GRM7: variants seen among roughly 807,000 people sequenced by gnomAD.
The protein encoded by GRM7 is metabotropic glutamate receptor 7.
GRM7 carries 35 observed loss-of-function variants against 84.5 expected under a neutral mutation model. The observed-to-expected ratio is 0.41, with a 90% confidence interval of 0.32 to 0.55. The LOEUF (loss-of-function observed/expected upper bound fraction) is 0.55. Ranked by LOEUF, GRM7 falls within the 20% of genes least tolerant of loss-of-function variation. The pLI, the probability that GRM7 is intolerant of heterozygous loss-of-function variation, is 0.19. For synonymous variants in GRM7, 487 were observed against 455.1 expected (o/e 1.07, Z -0.89); for missense variants, 1,003 against 1,194.6 (o/e 0.84, Z 2.36).
rs77468225 is a variant in GRM7 at position 7,310,933 on chromosome 3, T to C, written c.1033+4281T>C. ...TCTGAGCCCCATTATAAGTCTCATC[T>C]ACCCTTCCATACTTTCCTTTCCTCA... On this transcript the variant is annotated intron_variant, in intron 4 of 9. Transcript: ENST00000357716. Among the ~76,000 whole-genome samples the C allele has an allele frequency of 8.5e-3, 1,294 of 152,298 alleles. 29 individuals carry two copies. Among genetic ancestry groups the C allele is most frequent in the African/African-American group, 0.027 (1,128 of 41,554 alleles).
chr3:7,010,019 C>G (rs1695314387), intron 1 of GRM7, among the ~76,000 whole-genome samples: 1 of 152,162 alleles, frequency 6.6e-6, no homozygotes. Context: ...TTCAGCTATA[C>G]CTTCAAAATC....
At chr3:6,976,830 A>C (rs1575089612) in intron 1 of GRM7, among the ~76,000 whole-genome samples, 1 of 152,204 alleles carries the variant, frequency 6.6e-6, no homozygotes, top group East Asian at 1.9e-4. Flanking sequence ...ACACTATTTA[A>C]AAAGATATTC....
chr3:7,099,416 ATG>A (rs1559439100), intron 1 of GRM7, among the ~76,000 whole-genome samples: 9 of 148,820 alleles, frequency 6.0e-5, no homozygotes, highest in East Asian at 2.0e-4. Context: ...AATACATATT[ATG>A]CATGTATATA....
rs553619024 is a variant in GRM7, at chr3:7,436,403, C to A, written c.1175-16204C>A. 7.9e-5 allele frequency among the ~76,000 whole-genome samples: 12 copies of A among 151,936 alleles called. No homozygotes were observed. In the East Asian group the frequency reaches 2.3e-3, roughly 29 times the overall value. ...CTTTGTCTTACCTTCTTTTCTTTTTCTTCTATTTTTTAACCATATTGTTTA... is the reference window on the plus strand; with the variant it reads ...CTTTGTCTTACCTTCTTTTCTTTTTATTCTATTTTTTAACCATATTGTTTA... On this transcript the variant is annotated intron_variant, in intron 5 of 9. Transcript: ENST00000357716.
intron 4 of GRM7, among the ~76,000 whole-genome samples, chr3:7,398,609 G>A (rs951158087): frequency 1.3e-5 from 2 of 151,910 alleles, no homozygotes; most frequent in African/African-American, 2.4e-5. Context: ...GAGGACTGTG[G>A]GTGGGTTTTT....
intron 2 of GRM7, among the ~76,000 whole-genome samples, chr3:7,157,978 C>A (rs1323970499): frequency 2.0e-5 from 3 of 152,092 alleles, no homozygotes; most frequent in African/African-American, 7.2e-5. Flanking sequence ...GTAGTGCTTG[C>A]CATGCAGTCT....
intron 9 of GRM7, among the ~76,000 whole-genome samples, chr3:7,687,536 T>C (rs187345349): frequency 6.6e-6 from 1 of 152,302 alleles, no homozygotes; most frequent in Admixed American, 6.5e-5. Context: ...ATGTTCTCTT[T>C]TGATTTTCTC....
At chr3:7,313,182 GC>G (rs1024263389) in intron 4 of GRM7, among the ~76,000 whole-genome samples, 1 of 152,010 alleles carries the variant, frequency 6.6e-6, no homozygotes, top group Non-Finnish European at 1.5e-5. Flanking sequence ...GCCCTCCTCA[GC>G]CCCCCAAAGT....
intron 1 of GRM7, among the ~76,000 whole-genome samples, chr3:7,036,389 GTC>G (rs1696385166): frequency 6.6e-6 from 1 of 152,190 alleles, no homozygotes; most frequent in African/African-American, 2.4e-5. Flanking sequence ...TGCCTCATAT[GTC>G]TCTGTTTGAC....
chr3:7,481,407 A>G (rs979414424), intron 7 of GRM7, among the ~76,000 whole-genome samples: 6 of 152,154 alleles, frequency 3.9e-5, no homozygotes, highest in Admixed American at 3.9e-4. Flanking sequence ...AAGTCTTTAT[A>G]TATCAGCCTC....
intron 9 of GRM7, chr3:7,694,525 C>A: frequency 4.8e-6 from 1 of 207,126 alleles, no homozygotes; most frequent in Non-Finnish European, 8.4e-6. Context: ...GAAATATCAA[C>A]ACATCTCCTG....
chr3:7,398,453 C>T (rs1695306659), intron 4 of GRM7, among the ~76,000 whole-genome samples: 2 of 152,100 alleles, frequency 1.3e-5, no homozygotes, highest in South Asian at 4.2e-4. Flanking sequence ...GGAAGAGCTT[C>T]CTAAAGTTTA....
chr3:6,970,628 T>C (rs1293483688), intron 1 of GRM7, among the ~76,000 whole-genome samples: 2 of 152,080 alleles, frequency 1.3e-5, no homozygotes, highest in African/African-American at 4.8e-5. Context: ...GTGTTAAGAC[T>C]TGACTGTATG....
chr3:7,432,974 A>G (rs1696892318), intron 5 of GRM7, among the ~76,000 whole-genome samples: 1 of 152,200 alleles, frequency 6.6e-6, no homozygotes, highest in Non-Finnish European at 1.5e-5. Flanking sequence ...TGACTGAAGA[A>G]TTTTCACAAC....
At chr3:7,715,610 A>G (rs1701746619) in intron 9 of GRM7, among the ~76,000 whole-genome samples, 1 of 152,214 alleles carries the variant, frequency 6.6e-6, no homozygotes, top group Non-Finnish European at 1.5e-5. Context: ...ACCACTAAGT[A>G]GGTTCCATTG....
intron 7 of GRM7, among the ~76,000 whole-genome samples, chr3:7,498,399 A>T (rs1699775637): frequency 6.6e-6 from 1 of 152,220 alleles, no homozygotes; most frequent in Non-Finnish European, 1.5e-5. Context: ...GCTGACACTC[A>T]ACTTACAAGT....
intron 7 of GRM7, among the ~76,000 whole-genome samples, chr3:7,471,843 T>C (rs747858659): frequency 1.3e-5 from 2 of 152,196 alleles, no homozygotes; most frequent in Non-Finnish European, 2.9e-5. Context: ...TTCTGGGAAG[T>C]CTGTAACATC....
chr3:7,312,537 G>C (rs1195611667), intron 4 of GRM7, among the ~76,000 whole-genome samples: 1 of 152,112 alleles, frequency 6.6e-6, no homozygotes, highest in South Asian at 2.1e-4. Context: ...TGAAATTCCA[G>C]TTACCTCAAG....
intron 8 of GRM7, among the ~76,000 whole-genome samples, chr3:7,630,264 A>G (rs1157650868): frequency 3.3e-5 from 5 of 152,126 alleles, no homozygotes; most frequent in African/African-American, 1.2e-4. Context: ...TAGAAGAAGA[A>G]TTTCTGCCCA....
Sources: gnomAD v4.1 joint callset for allele counts (sites outside exome capture counted in the v4.1 genomes callset) on GRCh38, gnomAD v4.1.1 for gene constraint, MANE v1.5 for transcripts, NCBI Gene and HGNC (gene_info 2026-07-23, HGNC 2026-07-21) for gene names.